Variants in MANBA observed in about 807,000 individuals in gnomAD.
The protein encoded by MANBA is mannosidase beta.
A neutral mutation model predicts 111.1 loss-of-function variants in MANBA; 83 were observed. The observed-to-expected ratio is 0.75, with a 90% CI of 0.63 to 0.90. The LOEUF (loss-of-function observed/expected upper bound fraction) is 0.90, where lower values mean the gene tolerates loss of function less well. Ranked by LOEUF, MANBA falls within the 40% of genes least tolerant of loss-of-function variation. The pLI, the probability that MANBA is intolerant of heterozygous loss-of-function variation, is 0.00. For missense variants in MANBA, 1,036 were observed against 1,069.0 expected (o/e 0.97, Z 0.43); for synonymous variants, 370 against 378.7 (o/e 0.98, Z 0.27).
At chr4:102,698,678 G>A (rs140949951) in intron 5 of MANBA, among the ~76,000 whole-genome samples, 15 of 151,960 alleles carry the variant, frequency 9.9e-5, no homozygotes, top group African/African-American at 2.2e-4. Context: ...GATATACAGC[G>A]TTATTTCTGA....
At chr4:102,729,108 G>A in intron 1 of MANBA, 1 of 737,096 alleles carries the variant, frequency 1.4e-6, no homozygotes, top group South Asian at 1.3e-5. Context: ...GCGGCCTCCA[G>A]CTTGGACAGC....
intron 1 of MANBA, among the ~76,000 whole-genome samples, chr4:102,739,934 C>T (rs1723342694): frequency 2.6e-5 from 4 of 152,158 alleles, no homozygotes; most frequent in Admixed American, 2.6e-4. Context: ...GACTGGAAGA[C>T]ATGGCCAGAG....
intron 2 of MANBA, among the ~76,000 whole-genome samples, chr4:102,725,183 G>A (rs1452861732): frequency 6.6e-6 from 1 of 152,122 alleles, no homozygotes; most frequent in Non-Finnish European, 1.5e-5. Flanking sequence ...TGATGGTTTT[G>A]TAACTGTAAG....
chr4:102,675,696 A>G (rs1366100109), intron 7 of MANBA, among the ~76,000 whole-genome samples: 4 of 152,226 alleles, frequency 2.6e-5, no homozygotes, highest in Non-Finnish European at 4.4e-5. Context: ...ATCTTGTTCT[A>G]AAAGAAAATT....
At chr4:102,633,390 C>A in intron 16 of MANBA, 2 of 398,638 alleles carry the variant, frequency 5.0e-6, no homozygotes, top group Non-Finnish European at 4.4e-6. Context: ...ATGCTGGTGT[C>A]ATGCTTATGC....
chr4:102,694,803 C>T lies in MANBA; in HGVS notation c.674-4032G>A, dbSNP rs17033183. 5.5e-3 allele frequency among the ~76,000 whole-genome samples: 838 copies of T among 152,178 alleles called. 8 individuals carry two copies. The highest frequency in any genetic ancestry group is 0.019 in the African/African-American group (810 of 41,550). On this transcript the variant is annotated intron_variant, in intron 5 of 16. Transcript: ENST00000647097. ...AAAACAGGTGCAAAGGCAATGCTGG[C>T]CTGCCCTCTCCACAATTCAAGGCCT...
chr4:102,756,132 C>T (rs552508726), intron 1 of MANBA, among the ~76,000 whole-genome samples: 1 of 152,090 alleles, frequency 6.6e-6, no homozygotes, highest in African/African-American at 2.4e-5. Flanking sequence ...GGGTATATAC[C>T]CAAAGTATTA....
intron 5 of MANBA, among the ~76,000 whole-genome samples, chr4:102,702,315 G>A (rs1483289412): frequency 1.3e-5 from 2 of 151,850 alleles, no homozygotes; most frequent in African/African-American, 4.9e-5. Context: ...ATTTCCTCCT[G>A]TAGCTCGTAG....
Position 102,723,925 on chromosome 4 carries a change from C to G in MANBA, c.315G>C (p.Thr105=), listed in dbSNP as rs6857760. Residue 105 remains threonine, a synonymous_variant, in exon 3 of 17, where the codon ACG becomes ACC. Coordinates refer to ENST00000647097, the MANE Select transcript of MANBA (RefSeq NM_005908.4). ...CTTCATTGAACAGGATTTTTGAAAC[C>G]GTATCCACTCCCTCAAGAATCAAAT... ...KVNLILEGVD[T]VSKILFNEVT... The G allele has an allele frequency of 6.2e-7, 1 of 1,610,754 alleles. No homozygotes were observed. The highest frequency in any genetic ancestry group is 1.7e-5 in the Admixed American group (1 of 59,914).
chr4:102,673,600 T>C (rs1731592855), intron 8 of MANBA, among the ~76,000 whole-genome samples: 2 of 152,180 alleles, frequency 1.3e-5, no homozygotes, highest in African/African-American at 4.8e-5. Context: ...AATAGTTGAA[T>C]GTAATATTTT....
chr4:102,711,728 T>C (rs913394575), intron 5 of MANBA, among the ~76,000 whole-genome samples: 6 of 152,134 alleles, frequency 3.9e-5, no homozygotes, highest in African/African-American at 1.4e-4. Flanking sequence ...AACAGATGAA[T>C]GGCTAAAAAA....
At chr4:102,637,306 C>T (rs1729674550) in intron 14 of MANBA, among the ~76,000 whole-genome samples, 1 of 152,162 alleles carries the variant, frequency 6.6e-6, no homozygotes, top group African/African-American at 2.4e-5. Context: ...CCTCAGAAAA[C>T]AGAATCTATC....
Position 102,648,767 on chromosome 4 carries a change from C to T in MANBA, c.1869+1770G>A, listed in dbSNP as rs537671598. Reference sequence around the variant, plus strand: ...ACTGTTTTTAAAATCCAGCAAGGTGCATGCCATAACATTCACAAATCTTTT... The same window carrying T: ...ACTGTTTTTAAAATCCAGCAAGGTGTATGCCATAACATTCACAAATCTTTT... On this transcript the variant is annotated intron_variant, in intron 13 of 16. Transcript: ENST00000647097. Among the ~76,000 whole-genome samples the T allele has an allele frequency of 2.0e-5, 3 of 152,208 alleles. No individual in the cohort carries two copies. The South Asian group carries it at 6.2e-4, about 32-fold the overall frequency.
intron 5 of MANBA, among the ~76,000 whole-genome samples, chr4:102,692,410 C>T (rs77746751): frequency 0.029 from 4,464 of 152,160 alleles, 155 homozygotes; most frequent in African/African-American, 0.083. Context: ...TTTATATACG[C>T]GCAGTATGAC....
At chr4:102,679,045 A>C (rs1731848252) in intron 7 of MANBA, among the ~76,000 whole-genome samples, 1 of 152,234 alleles carries the variant, frequency 6.6e-6, no homozygotes, top group South Asian at 2.1e-4. Flanking sequence ...CATGTATTTT[A>C]AGAGACAACC....
At chr4:102,743,709 T>G (rs902705216) in intron 1 of MANBA, among the ~76,000 whole-genome samples, 1 of 152,130 alleles carries the variant, frequency 6.6e-6, no homozygotes, top group Admixed American at 6.5e-5. Flanking sequence ...CACAACCTAC[T>G]TTATGGCTAG....
intron 10 of MANBA, chr4:102,666,065 C>T (rs1731206869): frequency 1.3e-5 from 2 of 152,228 alleles, no homozygotes; most frequent in African/African-American, 4.8e-5. Flanking sequence ...CTGTGACTGA[C>T]ATATTTATGC....
intron 1 of MANBA, among the ~76,000 whole-genome samples, chr4:102,731,211 C>G (rs1438214222): frequency 1.3e-5 from 2 of 152,118 alleles, no homozygotes; most frequent in African/African-American, 4.8e-5. Context: ...ATTGGCTTCC[C>G]CTTTTAAAAC....
intron 5 of MANBA, among the ~76,000 whole-genome samples, chr4:102,713,224 C>T (rs1316281110): frequency 6.6e-6 from 1 of 152,202 alleles, no homozygotes; most frequent in Non-Finnish European, 1.5e-5. Flanking sequence ...TTCTTTCTTA[C>T]TGATTTCATC....
Sources: allele counts gnomAD v4.1 joint callset (sites outside exome capture counted in the v4.1 genomes callset), GRCh38; gene constraint gnomAD v4.1.1; transcripts MANE v1.5; gene names NCBI Gene and HGNC (gene_info 2026-07-23, HGNC 2026-07-21).